SCRIB: variants seen among roughly 807,000 people sequenced by gnomAD.
SCRIB encodes scribble planar cell polarity protein.
SCRIB carries 72 observed loss-of-function variants against 170.0 expected under a neutral mutation model. That is an observed-to-expected ratio of 0.42 (90% CI 0.35 to 0.52). The LOEUF (loss-of-function observed/expected upper bound fraction) is 0.52. Among genes scored for constraint, SCRIB ranks in the 20% least tolerant of loss-of-function variants. The pLI is 0.02. For synonymous variants in SCRIB, 1,298 were observed against 1,044.3 expected (o/e 1.24, Z -4.68); for missense variants, 2,475 against 2,338.5 (o/e 1.06, Z -1.20).
intron 21 of SCRIB, 132 bp from the exon 22 acceptor site, chr8:143,804,288 G>A: frequency 1.4e-6 from 1 of 729,218 alleles, no homozygotes; most frequent in South Asian, 1.9e-5. Context: ...GGGGATTTCT[G>A]CGCCACCAGT....
rs1563808811 is a variant in SCRIB at position 143,813,531 on chromosome 8, A to G, written c.447-5T>C. 1 of 1,613,218 alleles carries G rather than the reference A, an allele frequency of 6.2e-7. No individual in the cohort carries two copies. Among genetic ancestry groups the G allele is most frequent in the Non-Finnish European group, 8.5e-7 (1 of 1,179,960 alleles). On this transcript the variant is annotated splice_polypyrimidine_tract_variant and splice_region_variant and intron_variant, in intron 4 of 36. Transcript: ENST00000356994. ...AGGGTCACCAGGTTGGCGAGGCTGA[A>G]AGAGAGACCAGGCGCTGGGGCAAGA... is the stretch of plus-strand genomic sequence containing the variant.
At chr8:143,811,822 C>T (rs1247402222) in intron 9 of SCRIB, among the ~76,000 whole-genome samples, 2 of 152,172 alleles carry the variant, frequency 1.3e-5, no homozygotes, top group Non-Finnish European at 2.9e-5. Flanking sequence ...ACCCTCCCCA[C>T]AGCTAGCTCC....
chr8:143,815,048 G>A (rs919718889), intron 1 of SCRIB, 166 bp downstream of exon 1: 16 of 763,944 alleles, frequency 2.1e-5, no homozygotes, highest in Middle Eastern at 4.0e-4. Context: ...GCGCCAGCCA[G>A]GGCGGCTGGA....
intron 18 of SCRIB, among the ~76,000 whole-genome samples, chr8:143,805,846 C>G (rs1815401330): frequency 6.6e-6 from 1 of 152,224 alleles, no homozygotes; most frequent in Admixed American, 6.5e-5. Context: ...GTCAGGAGAG[C>G]TGAGCAGCAG....
chr8:143,791,675 A>G lies in SCRIB; in HGVS notation c.4761T>C (p.Tyr1587=). ...CCTGGAGGCCAGGTACCTGGATGTCATAGACAGGTCTGGAAGAAGGCAGGG... is the reference window on the plus strand; with the variant it reads ...CCTGGAGGCCAGGTACCTGGATGTCGTAGACAGGTCTGGAAGAAGGCAGGG... The part of the protein sequence containing the change: ...FAALPSSRPV[Y]DIQSPDFAEE... The change falls in exon 35 of 37, where the codon TAT becomes TAC. Residue 1587 remains tyrosine, a synonymous_variant. Coordinates refer to ENST00000356994, the MANE Select transcript of SCRIB (RefSeq NM_182706.5). 6.2e-7 allele frequency: 1 copy of G among 1,606,018 alleles called. No individual in the cohort carries two copies. The highest frequency in any genetic ancestry group is 8.5e-7 in the Non-Finnish European group (1 of 1,174,284).
chr8:143,791,283 C>A lies in SCRIB; in HGVS notation c.4848G>T (p.Val1616=). 1 of 1,549,218 alleles carries A rather than the reference C, an allele frequency of 6.5e-7. No homozygotes were observed. Among genetic ancestry groups the A allele is most frequent in the Non-Finnish European group, 8.7e-7 (1 of 1,146,820 alleles). ...AGGGCCTGCCCAGAAGCACCAGAGC[C>A]ACTTCTCCATCCTCCTCCTGCGGGC... ...SPGPQEEDGE[V]ALVLLGRPSP... The change falls in exon 37 of 37, where the codon GTG becomes GTT. Residue 1616 remains valine (V), a synonymous_variant. Transcript: ENST00000356994.
chr8:143,810,313 C>A (rs1216318453), intron 13 of SCRIB, among the ~76,000 whole-genome samples, 166 bp downstream of exon 13: 1 of 152,188 alleles, frequency 6.6e-6, no homozygotes, highest in African/African-American at 2.4e-5. Context: ...TGGCACCCTT[C>A]ACCCAGCTGG....
At position 143,803,923 on chromosome 8, in the gene SCRIB, C is replaced by T; in HGVS notation, c.3138G>A (p.Leu1046=). The T allele has an allele frequency of 6.3e-7, 1 of 1,585,986 alleles. No individual in the cohort carries two copies. Among genetic ancestry groups the T allele is most frequent in the Non-Finnish European group, 8.6e-7 (1 of 1,165,150 alleles). ...VFISKVLPRG[L]AARSGLRVGD... is the part of the protein sequence containing the mutation. ...CAACCCGCAGGCCGCTGCGAGCGGC[C>T]AGGCCCCGCGGGAGCACCTGTCAGG... The change falls in exon 23 of 37, where the codon CTG becomes CTA. Residue 1046 remains leucine (L), a synonymous_variant. Coordinates refer to ENST00000356994, the MANE Select transcript of SCRIB (RefSeq NM_182706.5).
In SCRIB at chr8:143,792,168, A is replaced by T. The variant is rs1814716301; in HGVS notation, c.4515-35T>A. 3 of 1,558,138 alleles carry T rather than the reference A, an allele frequency of 1.9e-6. No homozygotes were observed. The East Asian group carries it at 6.8e-5, about 35-fold the overall frequency. On this transcript the variant is annotated intron_variant, in intron 32 of 36. Coordinates refer to ENST00000356994, the MANE Select transcript of SCRIB (RefSeq NM_182706.5). ...ACAGCGGGCAGGGGTGACTTGGGGC[A>T]GGAGCAGGGACAGGCAGCAGGGCGG...
At position 143,815,663 on chromosome 8, in the gene SCRIB, C is replaced by T; in HGVS notation, c.-291G>A. On this transcript the variant is annotated 5_prime_UTR_variant, in exon 1 of 37. Coordinates refer to ENST00000356994, the MANE Select transcript of SCRIB (RefSeq NM_182706.5). ...GCATCCCGCTTGGTCCTGCTCAGCT[C>T]GTCCCGCCCGCTCGTCCGCCCGCTG... is the stretch of plus-strand genomic sequence containing the variant. 1 of 983,236 alleles carries T rather than the reference C, an allele frequency of 1.0e-6. No homozygotes were observed. Among genetic ancestry groups the T allele is most frequent in the Non-Finnish European group, 1.2e-6 (1 of 828,972 alleles). 60.9% of individuals were successfully genotyped at this position (983,236 alleles called of 1,614,324 possible). A position where few individuals can be genotyped will look rare whatever the true frequency, so the allele number is the denominator to read the frequency against.
rs782069839 is a variant in SCRIB at position 143,791,888 on chromosome 8, G to A, written c.4683C>T (p.Ser1561=). The change falls in exon 34 of 37, where the codon TCC becomes TCT. Residue 1561 remains serine (S), a synonymous_variant. Transcript: ENST00000356994. ...ACCGGCTCCTCACCAGGCGTCCCGG[G>A]GAGGTGCTGGTCTGGGGGCCGAGGT... The part of the protein sequence containing the change: ...VEDLGPQTST[S]PGRLPLSGKK... 7.2e-6 allele frequency: 11 copies of A among 1,528,662 alleles called. No individual in the cohort carries two copies. The South Asian group carries it at 1.4e-4, about 19-fold the overall frequency. The allele number at this position is 1,528,662 out of a possible 1,614,324, so 94.7% of individuals were successfully genotyped here.
chr8:143,809,102 G>C (rs1815579606), intron 14 of SCRIB, 77 bp from the exon 15 acceptor site: 3 of 1,498,980 alleles, frequency 2.0e-6, no homozygotes, highest in Middle Eastern at 2.5e-4. Flanking sequence ...AAACAGTGTG[G>C]CCACAGACGG....
intron 28 of SCRIB, 193 bp from the exon 29 acceptor site, chr8:143,793,276 C>A: frequency 2.1e-6 from 1 of 471,020 alleles, no homozygotes; most frequent in East Asian, 3.4e-5. Context: ...ACAACCTCTG[C>A]CCCTGGGGGC....
chr8:143,792,374 CTCCCA>C lies in SCRIB; in HGVS notation c.4355_4359del (p.Leu1452ArgfsTer11). The C allele has an allele frequency of 6.6e-7, 1 of 1,521,734 alleles. No individual in the cohort carries two copies. The highest frequency in any genetic ancestry group is 1.2e-5 in the South Asian group (1 of 80,752). The allele number at this position is 1,521,734 out of a possible 1,614,324, so 94.3% of individuals were successfully genotyped here. ...TTGGCCGTCCGCACCGGGGCGCCAC[CTCCCA>C]GGGGTGGGGGGGACGCCGGGCTCTG... is the stretch of plus-strand genomic sequence containing the variant. On this transcript the variant is annotated frameshift_variant, in exon 32 of 37. Transcript: ENST00000356994. LOFTEE classifies it high-confidence loss of function.
chr8:143,811,063 A>G lies in SCRIB; in HGVS notation c.1116T>C (p.Ser372=). ...VLDVAGNRLQ[S]LPFALTHLNL... is the part of the protein sequence containing the mutation. ...TGAGGTGGGTGAGCGCGAACGGCAGACTCTGCAGGCTGCGGGCCGGGCGGG... is the reference window on the plus strand; with the variant it reads ...TGAGGTGGGTGAGCGCGAACGGCAGGCTCTGCAGGCTGCGGGCCGGGCGGG... Residue 372 remains serine (S), a synonymous_variant, in exon 11 of 37, where the codon AGT becomes AGC. Coordinates refer to ENST00000356994, the MANE Select transcript of SCRIB (RefSeq NM_182706.5). The G allele has an allele frequency of 6.2e-7, 1 of 1,611,488 alleles. No homozygotes were observed. The highest frequency in any genetic ancestry group is 2.2e-5 in the East Asian group (1 of 44,794).
Position 143,809,083 on chromosome 8 carries a change from G to A in SCRIB, c.1699-58C>T, listed in dbSNP as rs528329527. Reference sequence around the variant, plus strand: ...CTCTGTGGCTGTGCTTCCACAGGAAGACCCTACTAAACAGTGTGGCCACAG... The same window carrying A: ...CTCTGTGGCTGTGCTTCCACAGGAAAACCCTACTAAACAGTGTGGCCACAG... On this transcript the variant is annotated intron_variant, in intron 14 of 36. Coordinates refer to ENST00000356994, the MANE Select transcript of SCRIB (RefSeq NM_182706.5). 88 of 1,555,576 alleles carry A rather than the reference G, an allele frequency of 5.7e-5. No individual in the cohort carries two copies. In the East Asian group the frequency reaches 5.9e-4, roughly 10 times the overall value.
intron 24 of SCRIB, among the ~76,000 whole-genome samples, chr8:143,797,604 G>A (rs1554634286): frequency 2.0e-5 from 3 of 152,240 alleles, no homozygotes; most frequent in East Asian, 1.9e-4. Context: ...CATCACCAGT[G>A]AGCCCTGGTG....
chr8:143,811,084 G>A lies in SCRIB; in HGVS notation c.1107-12C>T. 1 of 1,609,430 alleles carries A rather than the reference G, an allele frequency of 6.2e-7. No individual in the cohort carries two copies. Among genetic ancestry groups the A allele is most frequent in the Non-Finnish European group, 8.5e-7 (1 of 1,178,354 alleles). Reference sequence around the variant, plus strand: ...GCAGACTCTGCAGGCTGCGGGCCGGGCGGGCACAGTCAGCAGGCGTTGGGG... The same window carrying A: ...GCAGACTCTGCAGGCTGCGGGCCGGACGGGCACAGTCAGCAGGCGTTGGGG... On this transcript the variant is annotated splice_polypyrimidine_tract_variant and intron_variant, in intron 10 of 36. Coordinates refer to ENST00000356994, the MANE Select transcript of SCRIB (RefSeq NM_182706.5).
Position 143,813,030 on chromosome 8 carries a change from CG to C in SCRIB, c.641del (p.Pro214ArgfsTer52). 1 of 1,600,826 alleles carries C rather than the reference CG, an allele frequency of 6.2e-7. No individual in the cohort carries two copies. Among genetic ancestry groups the C allele is most frequent in the Non-Finnish European group, 8.5e-7 (1 of 1,174,764 alleles). ...LDRNQLSALP[P>X]ELGNLRRLVC... ...GGGGGCCAGCCCCACCCTGACTCAC[CG>C]GGGGCAGTGCTGACAGCTGGTTCCG... On this transcript the variant is annotated frameshift_variant and splice_region_variant, in exon 7 of 37. Coordinates refer to ENST00000356994, the MANE Select transcript of SCRIB (RefSeq NM_182706.5). LOFTEE classifies it high-confidence loss of function.
Sources: allele counts gnomAD v4.1 joint callset (sites outside exome capture counted in the v4.1 genomes callset), GRCh38; gene constraint gnomAD v4.1.1; transcripts MANE v1.5; gene names NCBI Gene and HGNC (gene_info 2026-07-23, HGNC 2026-07-21).